Variants in ALKBH5 observed in about 807,000 individuals in gnomAD.
ALKBH5 encodes RNA demethylase ALKBH5.
ALKBH5 carries 2 observed loss-of-function variants against 32.1 expected under a neutral mutation model. That is an observed-to-expected ratio of 0.06 (90% CI 0.03 to 0.20). The LOEUF is 0.20. Ranked by LOEUF, ALKBH5 falls within the 10% of genes least tolerant of loss-of-function variation. ALKBH5 has a pLI of 1.00. For synonymous variants in ALKBH5, 300 were observed against 231.7 expected, an observed-to-expected ratio of 1.29 and a Z score of -2.68; for missense variants, 352 against 559.5, an observed-to-expected ratio of 0.63 and a Z score of 3.74.
intron 2 of ALKBH5, among the ~76,000 whole-genome samples, chr17:18,205,000 T>C (rs62072464): frequency 0.21 from 32,042 of 150,952 alleles, 3,695 homozygotes; most frequent in Middle Eastern, 0.32. Flanking sequence ...CAGTGAGTTA[T>C]GATCATACCA....
At chr17:18,206,718 A>G in intron 2 of ALKBH5, 97 bp from the exon 3 acceptor site, 2 of 1,378,824 alleles carry the variant, frequency 1.5e-6, no homozygotes, top group Non-Finnish European at 2.0e-6. Flanking sequence ...TTCCAGGTCT[A>G]GCTGGCTCCC....
intron 1 of ALKBH5, among the ~76,000 whole-genome samples, chr17:18,188,419 A>G (rs1025897666): frequency 6.6e-6 from 1 of 152,242 alleles, no homozygotes; most frequent in Non-Finnish European, 1.5e-5. Context: ...TCTTCCAGTT[A>G]ACGGTTGGTA....
Position 18,184,621 on chromosome 17 carries a change from G to C in ALKBH5, c.378G>C (p.Arg126=). ...KGLYNEHTVD[R]APLRNKYFFG... ...TGTACAACGAGCACACGGTGGACCG[G>C]GCCCCACTGCGCAACAAGTACTTCT... The change falls in exon 1 of 4, where the codon CGG becomes CGC. Residue 126 remains arginine, a synonymous_variant. Transcript: ENST00000399138. The C allele has an allele frequency of 3.7e-6, 6 of 1,613,228 alleles. No individual in the cohort carries two copies. Among genetic ancestry groups the C allele is most frequent in the Non-Finnish European group, 4.2e-6 (5 of 1,180,014 alleles).
chr17:18,199,858 A>G (rs1370192164), intron 2 of ALKBH5, among the ~76,000 whole-genome samples: 2 of 152,118 alleles, frequency 1.3e-5, no homozygotes, highest in African/African-American at 4.8e-5. Flanking sequence ...GTAATCCAGC[A>G]CTTCAGGAGG....
In ALKBH5 at chr17:18,189,715, C is replaced by G. The variant is rs75364952; in HGVS notation, c.770+4702C>G. Among the ~76,000 whole-genome samples, 748 of 152,336 alleles carry G rather than the reference C, an allele frequency of 4.9e-3. 22 individuals are homozygous for G. The East Asian group carries it at 0.073, about 15-fold the overall frequency. ...TTTTTGAGGCCTCAGTTTTCCTCAT[C>G]TGCAAAACCAGTCTAATGATGCTAT... On this transcript the variant is annotated intron_variant, in intron 1 of 3. Coordinates refer to ENST00000399138, the MANE Select transcript of ALKBH5 (RefSeq NM_017758.4).
chr17:18,186,555 AT>A (rs547706686), intron 1 of ALKBH5, among the ~76,000 whole-genome samples: 1 of 150,488 alleles, frequency 6.6e-6, no homozygotes, highest in Non-Finnish European at 1.5e-5. Flanking sequence ...ATCACAAGGC[AT>A]TTTTTTTTGG....
In ALKBH5 at chr17:18,206,914, C is replaced by T. The variant is rs2047272090; in HGVS notation, c.951C>T (p.Asp317=). The T allele has an allele frequency of 3.7e-6, 6 of 1,614,132 alleles. No homozygotes were observed. The highest frequency in any genetic ancestry group is 5.1e-6 in the Non-Finnish European group (6 of 1,180,052). Residue 317 remains aspartate, a synonymous_variant, in exon 3 of 4, where the codon GAC becomes GAT. Coordinates refer to ENST00000399138, the MANE Select transcript of ALKBH5 (RefSeq NM_017758.4). ...ATCGCCTGTCAGGAAACAACAGGGA[C>T]CCTGCTCTGAAACCCAAGCGGTCCC... ...ASDRLSGNNR[D]PALKPKRSHR... is the part of the protein sequence containing the mutation.
intron 2 of ALKBH5, among the ~76,000 whole-genome samples, chr17:18,199,185 C>T (rs1253425203): frequency 1.3e-5 from 2 of 152,202 alleles, no homozygotes; most frequent in Non-Finnish European, 2.9e-5. Flanking sequence ...GGCTAGTCGG[C>T]TCTTTGAGGT....
chr17:18,196,212 T>C (rs897820224), intron 2 of ALKBH5, among the ~76,000 whole-genome samples: 7 of 138,550 alleles, frequency 5.1e-5, no homozygotes, highest in Non-Finnish European at 1.1e-4. Context: ...CTTTGCCTTA[T>C]TCTTTTTTTT....
intron 2 of ALKBH5, among the ~76,000 whole-genome samples, chr17:18,201,799 A>G (rs1567676674): frequency 4.2e-4 from 17 of 40,768 alleles, no homozygotes; most frequent in African/African-American, 2.1e-3. Flanking sequence ...TAGATAAGAT[A>G]GATAGATAGA....
Position 18,184,339 on chromosome 17 carries a change from CGCTGCCGCA to C in ALKBH5, c.99_107del (p.Ala35_Ala37del), listed in dbSNP as rs750394889. 14 of 1,512,030 alleles carry C rather than the reference CGCTGCCGCA, an allele frequency of 9.3e-6. No homozygotes were observed. The highest frequency in any genetic ancestry group is 4.3e-5 in the African/African-American group (3 of 69,594). 93.7% of individuals were successfully genotyped at this position (1,512,030 alleles called of 1,614,324 possible). A position where few individuals can be genotyped will look rare whatever the true frequency, so the allele number is the denominator to read the frequency against. On this transcript the variant is annotated inframe_deletion, in exon 1 of 4. Coordinates refer to ENST00000399138, the MANE Select transcript of ALKBH5 (RefSeq NM_017758.4). ...AGGCGGGCAGCCGGGAGGCCGCCGC[CGCTGCCGCA>C]GCCGCCGTAGCCGCCGCAGCCGCAG...
chr17:18,201,743 T>TCAGA (rs2047236959), intron 2 of ALKBH5, among the ~76,000 whole-genome samples: 1 of 129,828 alleles, frequency 7.7e-6, no homozygotes, highest in Non-Finnish European at 1.7e-5. Context: ...AGACTCCATC[T>TCAGA]TAGATAGATA....
chr17:18,185,823 C>T (rs1461158557), intron 1 of ALKBH5, among the ~76,000 whole-genome samples: 1 of 152,208 alleles, frequency 6.6e-6, no homozygotes, highest in Non-Finnish European at 1.5e-5. Flanking sequence ...AACACCTTTG[C>T]TGTTTATGTG....
rs759019429 is a variant in ALKBH5 at position 18,184,435 on chromosome 17, G to A, written c.192G>A (p.Ser64=). 1.2e-6 allele frequency: 2 copies of A among 1,600,932 alleles called. No individual in the cohort carries two copies. The highest frequency in any genetic ancestry group is 8.5e-7 in the Non-Finnish European group (1 of 1,174,370). The part of the protein sequence containing the change: ...SGAKRKYQED[S]DPERSDYEEQ... ...CCAAGCGCAAGTATCAGGAGGACTC[G>A]GACCCCGAGCGCAGCGACTATGAGG... Residue 64 remains serine, a synonymous_variant, in exon 1 of 4, where the codon TCG becomes TCA. Coordinates refer to ENST00000399138, the MANE Select transcript of ALKBH5 (RefSeq NM_017758.4).
Position 18,184,345 on chromosome 17 carries a change from C to T in ALKBH5, c.102C>T (p.Ala34=), listed in dbSNP as rs779180587. ...KAGSREAAAA[A]AAAVAAAAAA... ...GCAGCCGGGAGGCCGCCGCCGCTGC[C>T]GCAGCCGCCGTAGCCGCCGCAGCCG... Residue 34 remains alanine (A), a synonymous_variant, in exon 1 of 4, where the codon GCC becomes GCT. Coordinates refer to ENST00000399138, the MANE Select transcript of ALKBH5 (RefSeq NM_017758.4). The T allele has an allele frequency of 9.3e-6, 14 of 1,513,098 alleles. No homozygotes were observed. The South Asian group carries it at 1.5e-4, about 16-fold the overall frequency. 93.7% of individuals were successfully genotyped at this position (1,513,098 alleles called of 1,614,324 possible). A position where few individuals can be genotyped will look rare whatever the true frequency, so the allele number is the denominator to read the frequency against.
At chr17:18,185,529 G>C (rs1769761253) in intron 1 of ALKBH5, among the ~76,000 whole-genome samples, 1 of 152,186 alleles carries the variant, frequency 6.6e-6, no homozygotes, top group African/African-American at 2.4e-5. Flanking sequence ...CCAGGAGGGG[G>C]AGTGACTTCC....
intron 3 of ALKBH5, 97 bp from the exon 4 acceptor site, chr17:18,208,122 G>A: frequency 7.4e-7 from 1 of 1,357,580 alleles, no homozygotes; most frequent in Non-Finnish European, 1.0e-6. Flanking sequence ...CCACTGAGCT[G>A]AAGTGACCCA....
At chr17:18,192,238 T>A (rs1001022767) in intron 1 of ALKBH5, among the ~76,000 whole-genome samples, 1 of 152,130 alleles carries the variant, frequency 6.6e-6, no homozygotes, top group African/African-American at 2.4e-5. Context: ...TCAGAGTGCT[T>A]AGTAAAGATT....
chr17:18,206,742 A>C, intron 2 of ALKBH5, 73 bp from the exon 3 acceptor site: 154 of 1,543,560 alleles, frequency 1.0e-4, no homozygotes, highest in Non-Finnish European at 1.2e-4. Context: ...TGGCCTGGCC[A>C]GAGAATTGGT....
Sources: gnomAD v4.1 joint callset for allele counts (sites outside exome capture counted in the v4.1 genomes callset) on GRCh38, gnomAD v4.1.1 for gene constraint, MANE v1.5 for transcripts, NCBI Gene and HGNC (gene_info 2026-07-23, HGNC 2026-07-21) for gene names.